The following MGAM variants were observed in gnomAD, a reference collection of about 807,000 sequenced individuals.
MGAM encodes the protein alpha-1,4-glucosidase.
MGAM carries 253 observed loss-of-function variants against 358.8 expected under a neutral mutation model. The observed-to-expected ratio is 0.71, with a 90% confidence interval of 0.64 to 0.78. The LOEUF is 0.78. Among genes scored for constraint, MGAM ranks in the 30% least tolerant of loss-of-function variants. The probability of loss-of-function intolerance (pLI) is 0.00; values close to 1 mark genes in which losing one functional copy is unlikely to be tolerated. For synonymous variants in MGAM, 1,105 were observed against 1,227.1 expected (o/e 0.90, Z 2.08); for missense variants, 3,080 against 3,432.6 (o/e 0.90, Z 2.57).
chr7:142,011,890 T>C (rs1166055633), intron 3 of MGAM, among the ~76,000 whole-genome samples: 1 of 152,160 alleles, frequency 6.6e-6, no homozygotes, highest in African/African-American at 2.4e-5. Context: ...TGAGGTTAAA[T>C]GAAGTGGCCA....
At chr7:142,009,788 C>G (rs1805464083) in intron 3 of MGAM, among the ~76,000 whole-genome samples, 1 of 151,176 alleles carries the variant, frequency 6.6e-6, no homozygotes, top group Non-Finnish European at 1.5e-5. Flanking sequence ...GAAGATACAT[C>G]TTAGAACTTT....
Position 142,065,204 on chromosome 7 carries a change from G to C in MGAM, c.4485-131G>C, listed in dbSNP as rs547626749. 1.6e-5 allele frequency: 20 copies of C among 1,274,962 alleles called. No homozygotes were observed. The South Asian group carries it at 2.9e-4, about 18-fold the overall frequency. 79.0% of individuals were successfully genotyped at this position (1,274,962 alleles called of 1,614,324 possible). ...TGGGATCAGTGGAACTCCTATTACAGCTCAGAGTCCCATGTTCCCTCCAGT... is the reference window on the plus strand; with the variant it reads ...TGGGATCAGTGGAACTCCTATTACACCTCAGAGTCCCATGTTCCCTCCAGT... On this transcript the variant is annotated intron_variant, in intron 37 of 70. Coordinates refer to ENST00000475668, the MANE Select transcript of MGAM (RefSeq NM_001365693.1).
intron 3 of MGAM, among the ~76,000 whole-genome samples, chr7:142,011,153 A>G (rs969701097): frequency 3.9e-5 from 6 of 152,226 alleles, no homozygotes; most frequent in Non-Finnish European, 5.9e-5. Flanking sequence ...AAGGATAACA[A>G]TAACATAAGT....
intron 7 of MGAM, among the ~76,000 whole-genome samples, chr7:142,023,768 A>G (rs1334181247): frequency 2.0e-5 from 3 of 152,166 alleles, no homozygotes; most frequent in African/African-American, 7.2e-5. Flanking sequence ...ACATATGCCT[A>G]TCAGAAAAGC....
At chr7:141,993,396 C>A (rs1359971263), upstream of MGAM, among the ~76,000 whole-genome samples, 2 of 152,192 alleles carry the variant, frequency 1.3e-5, no homozygotes, top group Non-Finnish European at 2.9e-5. Context: ...ATACAAGCTC[C>A]ATTTTTTAAT....
At chr7:142,040,374 A>G in intron 20 of MGAM, 1 of 596,302 alleles carries the variant, frequency 1.7e-6, no homozygotes, top group Non-Finnish European at 3.0e-6. Flanking sequence ...ATACCTTCAT[A>G]TACTTTATTT....
intron 30 of MGAM, among the ~76,000 whole-genome samples, chr7:142,057,725 G>A (rs1385234922): frequency 6.6e-6 from 1 of 152,082 alleles, no homozygotes; most frequent in Non-Finnish European, 1.5e-5. Flanking sequence ...ATACTACCAA[G>A]TGCGCATCAC....
intron 2 of MGAM, among the ~76,000 whole-genome samples, chr7:142,006,318 T>G (rs146905055): frequency 3.3e-5 from 5 of 152,158 alleles, no homozygotes; most frequent in African/African-American, 1.2e-4. Flanking sequence ...TTGCCCTTGT[T>G]TGATGATGAA....
chr7:142,059,761 AG>A (rs1811922523), intron 32 of MGAM, 94 bp from the exon 33 acceptor site: 4 of 1,567,414 alleles, frequency 2.6e-6, no homozygotes, highest in Non-Finnish European at 2.6e-6. Flanking sequence ...TGCAGGTAGA[AG>A]CCAGCGAGTT....
At chr7:142,024,314 T>G (rs1806748423) in intron 7 of MGAM, among the ~76,000 whole-genome samples, 1 of 151,662 alleles carries the variant, frequency 6.6e-6, no homozygotes, top group South Asian at 2.1e-4. Context: ...CTCAGGAGGC[T>G]GAGGCAGGAG....
chr7:142,021,882 A>AT (rs1464349135), intron 6 of MGAM, 145 bp downstream of exon 6: 44 of 831,208 alleles, frequency 5.3e-5, no homozygotes, highest in South Asian at 3.1e-4. Context: ...TAAAGTATAC[A>AT]TTTTTTTCTG....
chr7:142,095,917 C>A, intron 64 of MGAM: 1 of 803,088 alleles, frequency 1.2e-6, no homozygotes, highest in Non-Finnish European at 1.9e-6. Context: ...ATGAGCAAAA[C>A]TGAAATGATG....
intron 1 of MGAM, among the ~76,000 whole-genome samples, chr7:142,003,381 G>A (rs1356648191): frequency 6.6e-6 from 1 of 151,832 alleles, no homozygotes; most frequent in Non-Finnish European, 1.5e-5. Flanking sequence ...ATATAAATCG[G>A]TAGAAAAGAA....
At chr7:142,029,115 C>A (rs1381503400) in intron 10 of MGAM, among the ~76,000 whole-genome samples, 2 of 152,094 alleles carry the variant, frequency 1.3e-5, no homozygotes, top group African/African-American at 4.8e-5. Context: ...ACTTGGGAAG[C>A]CAAGGCAGGC....
intron 21 of MGAM, among the ~76,000 whole-genome samples, chr7:142,042,009 A>AT (rs796671101): frequency 2.5e-4 from 4 of 16,120 alleles, no homozygotes; most frequent in African/African-American, 5.2e-4. Context: ...TTATATATAT[A>AT]ATATAATATA....
At position 142,024,996 on chromosome 7, in the gene MGAM, G is replaced by A. The variant is rs1806811354; in HGVS notation, c.883-54G>A. On this transcript the variant is annotated intron_variant, in intron 7 of 70. Transcript: ENST00000475668. The stretch of plus-strand genomic sequence containing the variant: ...TGATTTCCTAAACCAACCCCACAGT[G>A]TGATGCTGAGACTTCTTAGTTGTAA... 2.9e-5 allele frequency: 38 copies of A among 1,297,796 alleles called. 2 individuals carry two copies. The South Asian group carries it at 4.5e-4, about 15-fold the overall frequency. 80.4% of individuals were successfully genotyped at this position (1,297,796 alleles called of 1,614,324 possible).
At chr7:142,068,815 G>A in intron 43 of MGAM, 112 bp downstream of exon 43, 1 of 945,880 alleles carries the variant, frequency 1.1e-6, no homozygotes, top group African/African-American at 1.6e-5. Flanking sequence ...CTGCTGTGTG[G>A]TCTTAGAGAA....
In MGAM at chr7:142,074,502, T is replaced by C. The variant is rs1813585243; in HGVS notation, c.5275+329T>C. 1.4e-5 allele frequency among the ~76,000 whole-genome samples: 2 copies of C among 145,938 alleles called. 1 individual carries two copies. Among genetic ancestry groups the C allele is most frequent in the South Asian group, 4.4e-4 (2 of 4,570 alleles). On this transcript the variant is annotated intron_variant, in intron 45 of 70. Transcript: ENST00000475668. ...TAATGTCTTCCTCCGAAAATTCTTATGAGCAAATGTTGACGATATAAAAAT... is the reference window on the plus strand; with the variant it reads ...TAATGTCTTCCTCCGAAAATTCTTACGAGCAAATGTTGACGATATAAAAAT...
At chr7:142,070,858 G>A (rs1269126408) in intron 43 of MGAM, 136 bp from the exon 44 acceptor site, 1 of 1,190,450 alleles carries the variant, frequency 8.4e-7, no homozygotes, top group Non-Finnish European at 1.2e-6. Flanking sequence ...ATGCAGAATG[G>A]GTAATAGCAG....
Sources: allele counts gnomAD v4.1 joint callset (sites outside exome capture counted in the v4.1 genomes callset), GRCh38; gene constraint gnomAD v4.1.1; transcripts MANE v1.5; gene names NCBI Gene and HGNC (gene_info 2026-07-23, HGNC 2026-07-21).